Variants in TBC1D20 observed in about 807,000 individuals in gnomAD.
TBC1D20 encodes chromosome 20 open reading frame 140.
A neutral mutation model predicts 41.6 loss-of-function variants in TBC1D20; 12 were observed. The observed-to-expected ratio is 0.29, with a 90% CI of 0.18 to 0.47. The LOEUF is 0.47. Among genes scored for constraint, TBC1D20 ranks in the 20% least tolerant of loss-of-function variants. The pLI, the probability that TBC1D20 is intolerant of heterozygous loss-of-function variation, is 1.00. For synonymous variants in TBC1D20, 205 were observed against 204.8 expected (o/e 1.00, Z -0.01); for missense variants, 421 against 517.4 (o/e 0.81, Z 1.81).
At position 435,913 on chromosome 20, in the gene TBC1D20, T is replaced by C. The variant is rs2017109526; in HGVS notation, c.*2673A>G. ...GCTACAGTCAGATTAAAGTCTGGTG[T>C]TGAGCAAGTGAAATGGGGCAGGAGA... On this transcript the variant is annotated 3_prime_UTR_variant, in exon 8 of 8. Coordinates refer to ENST00000354200, the MANE Select transcript of TBC1D20 (RefSeq NM_144628.4). 1 of 152,488 alleles carries C rather than the reference T, an allele frequency of 6.6e-6. No homozygotes were observed. The highest frequency in any genetic ancestry group is 2.0e-4 in the South Asian group (1 of 4,928). 9.4% of individuals were successfully genotyped at this position (152,488 alleles called of 1,614,324 possible). A position where few individuals can be genotyped will look rare whatever the true frequency, so the allele number is the denominator to read the frequency against.
In TBC1D20 at chr20:440,318, C is replaced by T. The variant is rs2017203841; in HGVS notation, c.698G>A (p.Arg233Lys). The T allele has an allele frequency of 6.2e-7, 1 of 1,613,998 alleles. No homozygotes were observed. The highest frequency in any genetic ancestry group is 1.7e-5 in the Admixed American group (1 of 59,984). Residue 233 changes from arginine (R) to lysine (K), a missense_variant, in exon 6 of 8, where the codon AGG (arginine) becomes AAG (lysine). Physicochemically the swap from Arg to Lys is conservative, Grantham distance 26. This residue lies in a region of TBC1D20 where 110 missense variants were observed against 183.5 expected (regional missense o/e 0.60). Coordinates refer to ENST00000354200, the MANE Select transcript of TBC1D20 (RefSeq NM_144628.4). ...TWFGHVLSDF[R>K]HVVRLYDFFL... ...GAAGTCATATAACCGCACGACGTGC[C>T]TGAAGTCAGACAGGACATGCCCAAA... is the stretch of plus-strand genomic sequence containing the variant.
Position 439,302 on chromosome 20 carries a change from G to A in TBC1D20, c.769-7C>T. 6.3e-7 allele frequency: 1 copy of A among 1,599,576 alleles called. No individual in the cohort carries two copies. The highest frequency in any genetic ancestry group is 8.5e-7 in the Non-Finnish European group (1 of 1,172,458). On this transcript the variant is annotated splice_polypyrimidine_tract_variant and splice_region_variant and intron_variant, in intron 6 of 7. Coordinates refer to ENST00000354200, the MANE Select transcript of TBC1D20 (RefSeq NM_144628.4). This position sits in a 1 kb window ranked among gnomAD's most constrained non-coding sequence, Gnocchi z 4.6. ...GCTCGCGATACAACACAATCTGTGG[G>A]GAGGTAGTAAAGCCTTGCAGTCAGA...
At chr20:457,655 G>A (rs1211790939) in intron 1 of TBC1D20, among the ~76,000 whole-genome samples, 1 of 152,332 alleles carries the variant, frequency 6.6e-6, no homozygotes, top group East Asian at 1.9e-4. Context: ...AGAGTTCTAT[G>A]AAGCTGAAGT....
intron 1 of TBC1D20, among the ~76,000 whole-genome samples, chr20:458,181 A>G (rs76671986): frequency 0.02 from 2,969 of 152,202 alleles, 241 homozygotes; most frequent in Admixed American, 0.14. Flanking sequence ...TATCTTGGGG[A>G]AAAAAACCAC....
At position 437,669 on chromosome 20, in the gene TBC1D20, G is replaced by C. The variant is rs1354081085; in HGVS notation, c.*917C>G. The stretch of plus-strand genomic sequence containing the variant: ...GTCAGAAAGTGGCACTTTGGAAGTG[G>C]AAAGCTGTTTGCAAATAGCAACTCT... On this transcript the variant is annotated 3_prime_UTR_variant, in exon 8 of 8. Transcript: ENST00000354200. The C allele has an allele frequency of 2.0e-5, 3 of 153,488 alleles. No homozygotes were observed. Among genetic ancestry groups the C allele is most frequent in the Admixed American group, 6.5e-5 (1 of 15,282 alleles). 9.5% of individuals were successfully genotyped at this position (153,488 alleles called of 1,614,324 possible).
At chr20:442,103 C>G (rs1001794508) in intron 3 of TBC1D20, 60 bp from the exon 4 acceptor site, 1 of 1,391,740 alleles carries the variant, frequency 7.2e-7, no homozygotes, top group East Asian at 2.4e-5. Context: ...ACAAGGAGGT[C>G]GAAGAAGGCC....
intron 6 of TBC1D20, 38 bp downstream of exon 6, chr20:440,210 A>G (rs1250686450): frequency 5.0e-6 from 8 of 1,604,856 alleles, no homozygotes; most frequent in Non-Finnish European, 6.8e-6. Flanking sequence ...GGGATGGGTG[A>G]TGGTGAACCC....
In TBC1D20 at chr20:439,063, C is replaced by T. The variant is rs982358120; in HGVS notation, c.956+45G>A. ...ACACAAACCTTCCCTCGCTTCTGCT[C>T]ATTTACAGCCACCCCCATTCAACCA... On this transcript the variant is annotated intron_variant, in intron 7 of 7. Transcript: ENST00000354200. The surrounding 1 kb of genome is among the most constrained non-coding windows in gnomAD (Gnocchi z 4.6). 4 of 1,573,650 alleles carry T rather than the reference C, an allele frequency of 2.5e-6. No homozygotes were observed. In the Admixed American group the frequency reaches 7.2e-5, roughly 28 times the overall value.
At chr20:462,220 C>T in intron 1 of TBC1D20, 116 bp downstream of exon 1, 2 of 639,466 alleles carry the variant, frequency 3.1e-6, no homozygotes, top group Non-Finnish European at 4.1e-6. Flanking sequence ...CGCCCGGAAC[C>T]CCGCAGCAGC....
rs180976123 is a variant in TBC1D20 at position 448,104 on chromosome 20, G to A, written c.71-30C>T. Reference sequence around the variant, plus strand: ...AGATAAGGATAGGGAAGAATTAGGCGCACATTCAGCACGTGCATATTTTCT... The same window carrying A: ...AGATAAGGATAGGGAAGAATTAGGCACACATTCAGCACGTGCATATTTTCT... On this transcript the variant is annotated intron_variant, in intron 1 of 7. Coordinates refer to ENST00000354200, the MANE Select transcript of TBC1D20 (RefSeq NM_144628.4). 2,156 of 1,530,732 alleles carry A rather than the reference G, an allele frequency of 1.4e-3. 9 individuals carry two copies. Among genetic ancestry groups the A allele is most frequent in the African/African-American group, 5.4e-3 (399 of 73,326 alleles). 94.8% of individuals were successfully genotyped at this position (1,530,732 alleles called of 1,614,324 possible). A position where few individuals can be genotyped will look rare whatever the true frequency, so the allele number is the denominator to read the frequency against.
At chr20:451,266 C>T (rs1015821572) in intron 1 of TBC1D20, among the ~76,000 whole-genome samples, 4 of 152,106 alleles carry the variant, frequency 2.6e-5, no homozygotes, top group African/African-American at 7.2e-5. Context: ...CATTCTTGGC[C>T]GGGGACGGTG....
At chr20:452,522 C>T (rs1600339388) in intron 1 of TBC1D20, among the ~76,000 whole-genome samples, 1 of 152,048 alleles carries the variant, frequency 6.6e-6, no homozygotes, top group African/African-American at 2.4e-5. Flanking sequence ...GAGGCTGGGG[C>T]GAGAGGATCA....
At chr20:448,936 C>T (rs1203223051) in intron 1 of TBC1D20, among the ~76,000 whole-genome samples, 1 of 149,058 alleles carries the variant, frequency 6.7e-6, no homozygotes, top group African/African-American at 2.5e-5. Flanking sequence ...CTCCGCCTCC[C>T]GGGTCCCGGT....
At chr20:442,835 C>T (rs2017264221) in intron 3 of TBC1D20, among the ~76,000 whole-genome samples, 3 of 152,194 alleles carry the variant, frequency 2.0e-5, no homozygotes. Context: ...CGGTGGCTCA[C>T]GCCTGTAATC....
At chr20:461,315 T>C (rs1046932821) in intron 1 of TBC1D20, among the ~76,000 whole-genome samples, 9 of 152,202 alleles carry the variant, frequency 5.9e-5, no homozygotes, top group East Asian at 1.9e-4. Context: ...TTCACAGAAA[T>C]TGTCCAAACT....
rs958334870 is a variant in TBC1D20, at chr20:438,545, G to A, written c.*41C>T. ...CCTCCCAATCCTTCCATGGAAGGGT[G>A]AGACCTTAATGTGATGTAAGAGGAA... On this transcript the variant is annotated 3_prime_UTR_variant, in exon 8 of 8. Transcript: ENST00000354200. 3 of 1,601,908 alleles carry A rather than the reference G, an allele frequency of 1.9e-6. No homozygotes were observed. Among genetic ancestry groups the A allele is most frequent in the African/African-American group, 2.7e-5 (2 of 74,574 alleles).
In TBC1D20 at chr20:439,262, A is replaced by G; in HGVS notation, c.802T>C (p.Cys268Arg). Residue 268 changes from cysteine to arginine, a missense_variant, in exon 7 of 8, where the codon TGT (cysteine) becomes CGT (arginine). Physicochemically the swap from Cys to Arg is radical, Grantham distance 180. Around this residue, in one of 3 missense-constraint regions of TBC1D20, gnomAD observed 161 missense variants for 182.7 expected, o/e 0.88. Transcript: ENST00000354200. The surrounding 1 kb of genome is among the most constrained non-coding windows in gnomAD (Gnocchi z 4.6). The part of the protein sequence containing the change: ...VLYREQEVLD[C>R]DCDMASVHHL... ...TGGACCGAGGCCATGTCACAGTCAC[A>G]GTCCAGGACTTCCTGCTCGCGATAC... 2 of 1,612,780 alleles carry G rather than the reference A, an allele frequency of 1.2e-6. No homozygotes were observed. Among genetic ancestry groups the G allele is most frequent in the Non-Finnish European group, 1.7e-6 (2 of 1,179,540 alleles).
intron 1 of TBC1D20, among the ~76,000 whole-genome samples, chr20:461,610 C>A (rs1011140036): frequency 6.6e-6 from 1 of 152,220 alleles, no homozygotes; most frequent in African/African-American, 2.4e-5. Flanking sequence ...GATCCTCCAA[C>A]CATGGCCTCC....
intron 6 of TBC1D20, 144 bp downstream of exon 6, chr20:440,104 G>A (rs112499007): frequency 1.2e-5 from 13 of 1,063,676 alleles, no homozygotes; most frequent in Non-Finnish European, 1.6e-5. Context: ...CATTAATACT[G>A]CACAGAATGG....
Sources: gnomAD v4.1 joint callset for allele counts (sites outside exome capture counted in the v4.1 genomes callset) on GRCh38, gnomAD v4.1.1 for gene constraint, gnomAD v4.1.1 regional missense constraint, Gnocchi (gnomAD v3.1) non-coding constraint, MANE v1.5 for transcripts, NCBI Gene and HGNC (gene_info 2026-07-23, HGNC 2026-07-21) for gene names.